The following DSC2 variants were observed in gnomAD, a reference collection of about 807,000 sequenced individuals.
The protein encoded by DSC2 is desmocollin-2.
Under a neutral mutation model 87.6 loss-of-function variants are expected in DSC2, and 51 were observed. That is an observed-to-expected ratio of 0.58 (90% CI 0.46 to 0.74). The LOEUF (loss-of-function observed/expected upper bound fraction) is 0.74. Ranked by LOEUF, DSC2 falls within the 30% of genes least tolerant of loss-of-function variation. The pLI is 0.00. For synonymous variants in DSC2, 383 were observed against 393.2 expected, an observed-to-expected ratio of 0.97 and a Z score of 0.31; for missense variants, 1,066 against 1,089.5, an observed-to-expected ratio of 0.98 and a Z score of 0.30.
chr18:31,097,710 T>C (rs1987807362), intron 1 of DSC2, among the ~76,000 whole-genome samples: 1 of 151,812 alleles, frequency 6.6e-6, no homozygotes, highest in Non-Finnish European at 1.5e-5. Context: ...CCCACAGGAA[T>C]TGGAAAAGAA....
Position 31,071,718 on chromosome 18 carries a change from C to A in DSC2, c.2012G>T (p.Cys671Phe). The change falls in exon 13 of 16, where the codon TGC (cysteine) becomes TTC (phenylalanine). Residue 671 changes from cysteine to phenylalanine, a missense_variant. Transcript: ENST00000280904. ...ATGTGTGCAGTCATTTTCGGTAATG[C>A]AGTCACACAGTGTAACATCCAATGA... ...VTSLDVTLCD[C>F]ITENDCTHRV... 1.2e-6 allele frequency: 2 copies of A among 1,613,864 alleles called. No homozygotes were observed. Among genetic ancestry groups the A allele is most frequent in the East Asian group, 4.5e-5 (2 of 44,836 alleles).
intron 2 of DSC2, among the ~76,000 whole-genome samples, chr18:31,092,921 T>G (rs1406683490): frequency 6.6e-6 from 1 of 152,194 alleles, no homozygotes; most frequent in African/African-American, 2.4e-5. Flanking sequence ...TTCTCTAAAG[T>G]AAATGTTAAT....
At chr18:31,092,639 T>C (rs1987639948) in intron 2 of DSC2, among the ~76,000 whole-genome samples, 1 of 152,168 alleles carries the variant, frequency 6.6e-6, no homozygotes, top group Admixed American at 6.5e-5. Flanking sequence ...CACCTGAAGT[T>C]ATACAGAATC....
At position 31,102,192 on chromosome 18, in the gene DSC2, C is replaced by G. The variant is rs1213083567; in HGVS notation, c.-221G>C. 1 of 454,900 alleles carries G rather than the reference C, an allele frequency of 2.2e-6. No homozygotes were observed. Among genetic ancestry groups the G allele is most frequent in the Non-Finnish European group, 3.8e-6 (1 of 260,768 alleles). The allele number at this position is 454,900 out of a possible 1,614,324, so 28.2% of individuals were successfully genotyped here. A position where few individuals can be genotyped will look rare whatever the true frequency, so the allele number is the denominator to read the frequency against. ...TTGGCGGAGGGAGGGGCTCCAGACGCGTCCAAAAGACACCGATCGGCCCCT... is the reference window on the plus strand; with the variant it reads ...TTGGCGGAGGGAGGGGCTCCAGACGGGTCCAAAAGACACCGATCGGCCCCT... On this transcript the variant is annotated 5_prime_UTR_variant, in exon 1 of 16. Coordinates refer to ENST00000280904, the MANE Select transcript of DSC2 (RefSeq NM_024422.6).
rs201517977 is a variant in DSC2, at chr18:31,074,864, G to T, written c.1707C>A (p.Asp569Glu). The T allele has an allele frequency of 8.7e-5, 140 of 1,613,784 alleles. No individual in the cohort carries two copies. Among genetic ancestry groups the T allele is most frequent in the Non-Finnish European group, 1.1e-4 (127 of 1,179,984 alleles). The change falls in exon 12 of 16, where the codon GAC becomes GAA. Residue 569 changes from aspartate to glutamate, a missense_variant. Transcript: ENST00000280904. ...CTGTLGIILQ[D>E]VNDNSPFIPK... ...GTATGAATGGGCTGTTATCATTCAC[G>T]TCTTGAAGTATAATGCCCAGTGTCC...
At chr18:31,075,052 A>T in intron 11 of DSC2, 145 bp from the exon 12 acceptor site, 1 of 849,238 alleles carries the variant, frequency 1.2e-6, no homozygotes, top group Non-Finnish European at 1.9e-6. Context: ...GTCCTCAGGG[A>T]ATGTTACAAG....
chr18:31,097,114 C>A (rs1256524557), intron 1 of DSC2, among the ~76,000 whole-genome samples: 3 of 151,388 alleles, frequency 2.0e-5, no homozygotes, highest in African/African-American at 7.3e-5. Flanking sequence ...AACCCTGTCT[C>A]TACTAAAAAT....
At chr18:31,078,267 CAT>C (rs1383974575) in intron 11 of DSC2, among the ~76,000 whole-genome samples, 4 of 152,290 alleles carry the variant, frequency 2.6e-5, no homozygotes, top group Admixed American at 6.5e-5. Context: ...AAAGTAAACA[CAT>C]GTGGAATTAC....
rs1365695363 is a variant in DSC2, at chr18:31,081,233, A to C, written c.1264-881T>G. Among the ~76,000 whole-genome samples the C allele has an allele frequency of 2.0e-5, 3 of 152,184 alleles. No individual in the cohort carries two copies. The East Asian group carries it at 5.8e-4, about 29-fold the overall frequency. On this transcript the variant is annotated intron_variant, in intron 9 of 15. Coordinates refer to ENST00000280904, the MANE Select transcript of DSC2 (RefSeq NM_024422.6). Reference sequence around the variant, plus strand: ...AAGAGGAGCAAGACAAGAAAATACAAAGCTTATGGGCATCATATTTTCTTT... The same window carrying C: ...AAGAGGAGCAAGACAAGAAAATACACAGCTTATGGGCATCATATTTTCTTT...
chr18:31,069,403 A>G (rs577045096), intron 14 of DSC2, among the ~76,000 whole-genome samples: 2 of 152,236 alleles, frequency 1.3e-5, no homozygotes, highest in East Asian at 3.9e-4. Context: ...CTTGATGTAT[A>G]TTCCTTCTTT....
intron 6 of DSC2, among the ~76,000 whole-genome samples, 172 bp from the exon 7 acceptor site, chr18:31,086,914 T>C (rs552745970): frequency 3.4e-4 from 52 of 152,322 alleles, no homozygotes; most frequent in African/African-American, 1.3e-3. Context: ...TCCTTTCAAA[T>C]ATTCTGGCAT....
In DSC2 at chr18:31,092,168, A is replaced by G. The variant is rs1320040048; in HGVS notation, c.287T>C (p.Ile96Thr). The G allele has an allele frequency of 6.2e-7, 1 of 1,613,468 alleles. No homozygotes were observed. The highest frequency in any genetic ancestry group is 8.5e-7 in the Non-Finnish European group (1 of 1,179,724). ...LLSSEKRSFT[I>T]LLSNTENQEK... ...TTGGTTCTCAGTGTTGGAAAGTAATATGGTAAAACTTCTCTTCTCCGAGGA... is the reference window on the plus strand; with the variant it reads ...TTGGTTCTCAGTGTTGGAAAGTAATGTGGTAAAACTTCTCTTCTCCGAGGA... Residue 96 changes from isoleucine to threonine, a missense_variant, in exon 3 of 16, where the codon ATA becomes ACA. Ile to Thr is a moderately conservative substitution (Grantham distance 89, BLOSUM62 -1). Coordinates refer to ENST00000280904, the MANE Select transcript of DSC2 (RefSeq NM_024422.6).
At position 31,067,953 on chromosome 18, in the gene DSC2, G is replaced by A; in HGVS notation, c.*62C>T. 1 of 1,505,118 alleles carries A rather than the reference G, an allele frequency of 6.6e-7. No individual in the cohort carries two copies. The highest frequency in any genetic ancestry group is 9.2e-7 in the Non-Finnish European group (1 of 1,088,900). 93.2% of individuals were successfully genotyped at this position (1,505,118 alleles called of 1,614,324 possible). ...GCATCTTCTGCTTTAAAAAATTCTT[G>A]GTTTGTAATTTTTTTTAAAAGTCAT... On this transcript the variant is annotated 3_prime_UTR_variant, in exon 16 of 16. Transcript: ENST00000280904.
chr18:31,064,307 G>A lies in DSC2; in HGVS notation c.*3708C>T, dbSNP rs2144772006. 1 of 152,308 alleles carries A rather than the reference G, an allele frequency of 6.6e-6. No individual in the cohort carries two copies. Among genetic ancestry groups the A allele is most frequent in the African/African-American group, 2.4e-5 (1 of 41,564 alleles). The allele number at this position is 152,308 out of a possible 1,614,324, so 9.4% of individuals were successfully genotyped here. A position where few individuals can be genotyped will look rare whatever the true frequency, so the allele number is the denominator to read the frequency against. Reference sequence around the variant, plus strand: ...GACTTGCATTCAAGTGTGTGGGTGGGGAGAGTGGCTGATTCATCTTGCACT... The same window carrying A: ...GACTTGCATTCAAGTGTGTGGGTGGAGAGAGTGGCTGATTCATCTTGCACT... On this transcript the variant is annotated 3_prime_UTR_variant, in exon 16 of 16. Transcript: ENST00000280904.
intron 1 of DSC2, among the ~76,000 whole-genome samples, chr18:31,096,738 T>C (rs11874975): frequency 0.02 from 3,002 of 152,166 alleles, 102 homozygotes; most frequent in African/African-American, 0.069. Context: ...ACAACACAAA[T>C]GGGAAAACAC....
At chr18:31,076,606 A>T (rs1038366934) in intron 11 of DSC2, among the ~76,000 whole-genome samples, 4 of 152,208 alleles carry the variant, frequency 2.6e-5, no homozygotes, top group Non-Finnish European at 4.4e-5. Flanking sequence ...TCCAGTAGAA[A>T]ATAAACAGCA....
chr18:31,091,287 A>C, intron 3 of DSC2, 140 bp from the exon 4 acceptor site: 1 of 896,048 alleles, frequency 1.1e-6, no homozygotes. Flanking sequence ...AACCAAACTA[A>C]TCATCAACAC....
chr18:31,087,538 A>C (rs1397370208), intron 6 of DSC2, 131 bp downstream of exon 6: 7 of 1,083,742 alleles, frequency 6.5e-6, no homozygotes, highest in Non-Finnish European at 9.6e-6. Context: ...AGTGAAACAC[A>C]GAGTAAAATT....
chr18:31,080,902 G>A (rs1987197865), intron 9 of DSC2, among the ~76,000 whole-genome samples: 1 of 151,974 alleles, frequency 6.6e-6, no homozygotes, highest in Non-Finnish European at 1.5e-5. Flanking sequence ...AGACAGAGGA[G>A]TTCTCCCACT....
Sources: allele counts gnomAD v4.1 joint callset (sites outside exome capture counted in the v4.1 genomes callset), GRCh38; gene constraint gnomAD v4.1.1; transcripts MANE v1.5; gene names NCBI Gene and HGNC (gene_info 2026-07-23, HGNC 2026-07-21).